The following L3MBTL4 variants were observed in gnomAD, a reference collection of about 807,000 sequenced individuals.
The protein encoded by L3MBTL4 is L3MBTL histone methyl-lysine binding protein 4.
A neutral mutation model predicts 84.5 loss-of-function variants in L3MBTL4; 70 were observed. The ratio of observed to expected loss-of-function variants is 0.83; its 90% CI spans 0.68 to 1.01. L3MBTL4 has a LOEUF of 1.01. Ranked by LOEUF, L3MBTL4 falls within the 50% of genes least tolerant of loss-of-function variation. The pLI, the probability that L3MBTL4 is intolerant of heterozygous loss-of-function variation, is 0.00. For missense variants in L3MBTL4, 715 were observed against 754.8 expected (o/e 0.95, Z 0.62); for synonymous variants, 274 against 259.8 (o/e 1.05, Z -0.52).
At chr18:6,257,965 A>G (rs1281181119) in intron 5 of L3MBTL4, among the ~76,000 whole-genome samples, 1 of 152,200 alleles carries the variant, frequency 6.6e-6, no homozygotes, top group East Asian at 1.9e-4. Flanking sequence ...AATGTTCAAA[A>G]GAGAAGAAAC....
chr18:6,124,753 TAAG>T (rs1220786678), intron 14 of L3MBTL4, among the ~76,000 whole-genome samples: 1 of 151,878 alleles, frequency 6.6e-6, no homozygotes, highest in Non-Finnish European at 1.5e-5. Flanking sequence ...AGTAAAGAAA[TAAG>T]GAGGAAATTG....
chr18:5,967,842 A>C (rs2052429961), intron 17 of L3MBTL4, among the ~76,000 whole-genome samples: 2 of 152,232 alleles, frequency 1.3e-5, no homozygotes, highest in Non-Finnish European at 2.9e-5. Context: ...GGACGGCAAG[A>C]ATGGCAGGAC....
chr18:6,176,858 A>G (rs1212394499), intron 12 of L3MBTL4, among the ~76,000 whole-genome samples: 1 of 152,208 alleles, frequency 6.6e-6, no homozygotes, highest in East Asian at 1.9e-4. Context: ...ATTTTGGAAA[A>G]AAAATTCATG....
intron 16 of L3MBTL4, among the ~76,000 whole-genome samples, chr18:6,026,624 T>C (rs1350784630): frequency 6.6e-6 from 1 of 152,156 alleles, no homozygotes; most frequent in Non-Finnish European, 1.5e-5. Flanking sequence ...AATTTCAACA[T>C]CTAAAATGTC....
intron 16 of L3MBTL4, among the ~76,000 whole-genome samples, chr18:6,052,140 G>A (rs748035333): frequency 6.6e-6 from 1 of 152,184 alleles, no homozygotes; most frequent in Non-Finnish European, 1.5e-5. Flanking sequence ...AGAACTTAGA[G>A]AAATATTTAG....
In L3MBTL4 at chr18:6,275,015, C is replaced by T. The variant is rs182673175; in HGVS notation, c.128-10977G>A. The stretch of plus-strand genomic sequence containing the variant: ...AGGGGGCTTAGTACATTTTCAGAGA[C>T]GCTGAATCTTTGAAATCCAAAGGCA... On this transcript the variant is annotated intron_variant, in intron 4 of 18. Coordinates refer to ENST00000317931, the MANE Select transcript of L3MBTL4 (RefSeq NM_001330559.2). Among the ~76,000 whole-genome samples, 68 of 152,242 alleles carry T rather than the reference C, an allele frequency of 4.5e-4. 1 individual carries two copies. The East Asian group carries it at 9.3e-3, about 21-fold the overall frequency.
chr18:6,083,806 T>C (rs771573731), intron 15 of L3MBTL4, among the ~76,000 whole-genome samples: 9 of 152,178 alleles, frequency 5.9e-5, no homozygotes, highest in Admixed American at 1.3e-4. Context: ...ATTTATTCCA[T>C]AAAGAGGTGC....
intron 1 of L3MBTL4, among the ~76,000 whole-genome samples, chr18:6,322,716 A>G (rs954933981): frequency 1.3e-5 from 2 of 152,168 alleles, no homozygotes; most frequent in Non-Finnish European, 2.9e-5. Context: ...CATGGGTGGA[A>G]CTGAATTATA....
At chr18:6,375,066 C>T (rs903454130) in intron 1 of L3MBTL4, among the ~76,000 whole-genome samples, 5 of 152,160 alleles carry the variant, frequency 3.3e-5, no homozygotes, top group African/African-American at 1.2e-4. Context: ...TGCAGTGTAA[C>T]GCAGTCTGAT....
chr18:6,284,555 G>A (rs1277139152), intron 4 of L3MBTL4, among the ~76,000 whole-genome samples: 1 of 152,348 alleles, frequency 6.6e-6, no homozygotes, highest in Admixed American at 6.5e-5. Flanking sequence ...CCGCAGCGCC[G>A]CCACCTTGGA....
chr18:6,016,618 C>T (rs1301374622), intron 16 of L3MBTL4, among the ~76,000 whole-genome samples: 2 of 152,176 alleles, frequency 1.3e-5, no homozygotes, highest in Non-Finnish European at 2.9e-5. Flanking sequence ...GCTTTTTATC[C>T]TTTATCCCCT....
intron 10 of L3MBTL4, among the ~76,000 whole-genome samples, chr18:6,217,717 G>A (rs1356009644): frequency 6.6e-6 from 1 of 152,046 alleles, no homozygotes; most frequent in Non-Finnish European, 1.5e-5. Context: ...TAAAATGTTT[G>A]GCATGAGTTG....
chr18:6,005,037 TCAGGAGTA>T (rs1277193332), intron 16 of L3MBTL4, among the ~76,000 whole-genome samples: 3 of 142,100 alleles, frequency 2.1e-5, no homozygotes, highest in Admixed American at 2.1e-4. Context: ...TACTTTTAGT[TCAGGAGTA>T]CGTGTGTGGG....
intron 16 of L3MBTL4, among the ~76,000 whole-genome samples, chr18:5,978,780 G>A (rs1423462277): frequency 1.3e-5 from 2 of 152,182 alleles, no homozygotes; most frequent in African/African-American, 4.8e-5. Flanking sequence ...TGGTTGTGAG[G>A]AGCTAATGGA....
chr18:6,383,055 T>G (rs1014303822), intron 1 of L3MBTL4, among the ~76,000 whole-genome samples: 1 of 152,158 alleles, frequency 6.6e-6, no homozygotes, highest in Admixed American at 6.5e-5. Context: ...GCGGCCTTGC[T>G]GAGTTTCAGT....
At chr18:6,392,998 T>C (rs978873501) in intron 1 of L3MBTL4, among the ~76,000 whole-genome samples, 2 of 152,066 alleles carry the variant, frequency 1.3e-5, no homozygotes, top group Non-Finnish European at 2.9e-5. Context: ...GGCTTATGGG[T>C]ACATTAAACC....
chr18:6,329,804 A>T (rs182191746), intron 1 of L3MBTL4, among the ~76,000 whole-genome samples: 2 of 152,292 alleles, frequency 1.3e-5, no homozygotes, highest in East Asian at 3.9e-4. Flanking sequence ...AAGTGGATTA[A>T]TCCATTCAAG....
intron 4 of L3MBTL4, among the ~76,000 whole-genome samples, chr18:6,298,735 G>C (rs572947031): frequency 6.6e-6 from 1 of 151,966 alleles, no homozygotes; most frequent in Non-Finnish European, 1.5e-5. Context: ...TTAGCCAGGC[G>C]TGGTGGCAGG....
In L3MBTL4 at chr18:6,179,173, A is replaced by T. The variant is rs376409292; in HGVS notation, c.982-7231T>A. Among the ~76,000 whole-genome samples the T allele has an allele frequency of 7.8e-4, 119 of 152,272 alleles. No individual in the cohort carries two copies. In the South Asian group the frequency reaches 0.013, roughly 16 times the overall value. On this transcript the variant is annotated intron_variant, in intron 12 of 18. Coordinates refer to ENST00000317931, the MANE Select transcript of L3MBTL4 (RefSeq NM_001330559.2). ...TGCTATAAACCTTTTTTAAATTTTT[A>T]ATTTCCACTTTAATAGGCTTATTGG...
Sources: gnomAD v4.1 joint callset for allele counts (sites outside exome capture counted in the v4.1 genomes callset) on GRCh38, gnomAD v4.1.1 for gene constraint, MANE v1.5 for transcripts, NCBI Gene and HGNC (gene_info 2026-07-23, HGNC 2026-07-21) for gene names.